The following GMDS variants were observed in gnomAD, a reference collection of about 807,000 sequenced individuals.
The protein encoded by GMDS is GDP-mannose 4,6-dehydratase.
A neutral mutation model predicts 49.9 loss-of-function variants in GMDS; 20 were observed. The ratio of observed to expected loss-of-function variants is 0.40; its 90% CI spans 0.28 to 0.58. GMDS has a LOEUF of 0.58. Ranked by LOEUF, GMDS falls within the 20% of genes least tolerant of loss-of-function variation. The pLI, the probability that GMDS is intolerant of heterozygous loss-of-function variation, is 0.42. For synonymous variants in GMDS, 177 were observed against 178.6 expected (o/e 0.99, Z 0.07); for missense variants, 362 against 481.4 (o/e 0.75, Z 2.32).
At chr6:1,731,941 G>C (rs1307049812) in intron 8 of GMDS, among the ~76,000 whole-genome samples, 2 of 152,186 alleles carry the variant, frequency 1.3e-5, no homozygotes, top group African/African-American at 2.4e-5. Flanking sequence ...GCAGAGTATG[G>C]GGTAAAGTTA....
At chr6:1,756,265 GTT>G (rs142574141) in intron 7 of GMDS, among the ~76,000 whole-genome samples, 5 of 140,362 alleles carry the variant, frequency 3.6e-5, no homozygotes, top group South Asian at 2.3e-4. Context: ...TTTTGTTCTG[GTT>G]TTTTTTTTTT....
chr6:1,633,706 G>A (rs898069243), intron 9 of GMDS, among the ~76,000 whole-genome samples: 10 of 152,192 alleles, frequency 6.6e-5, no homozygotes, highest in African/African-American at 2.4e-4. Context: ...ACCCCGGAGA[G>A]AAGGCTGCTG....
chr6:1,761,511 T>C (rs1218890027), intron 7 of GMDS, among the ~76,000 whole-genome samples: 1 of 152,310 alleles, frequency 6.6e-6, no homozygotes, highest in East Asian at 1.9e-4. Context: ...GCACCATAAG[T>C]AATGTCATTT....
At chr6:2,196,507 G>A (rs897959520) in intron 1 of GMDS, among the ~76,000 whole-genome samples, 4 of 152,144 alleles carry the variant, frequency 2.6e-5, no homozygotes, top group Non-Finnish European at 4.4e-5. Context: ...GTTTTCTTAT[G>A]TTTTTTTCTA....
intron 7 of GMDS, among the ~76,000 whole-genome samples, chr6:1,802,049 A>T (rs887438411): frequency 1.3e-5 from 2 of 152,220 alleles, no homozygotes; most frequent in African/African-American, 4.8e-5. Flanking sequence ...ATTTAAGCAA[A>T]TTGTACTTAA....
chr6:1,848,476 C>T (rs1483442719), intron 7 of GMDS, among the ~76,000 whole-genome samples: 1 of 152,204 alleles, frequency 6.6e-6, no homozygotes, highest in Non-Finnish European at 1.5e-5. Flanking sequence ...CTCTCGTCAC[C>T]TCTCTTGACA....
chr6:1,898,562 C>T (rs569356991), intron 7 of GMDS, among the ~76,000 whole-genome samples: 5 of 152,214 alleles, frequency 3.3e-5, no homozygotes, highest in African/African-American at 9.6e-5. Flanking sequence ...TCTGTAGGGG[C>T]GCAGCAGTGA....
intron 7 of GMDS, among the ~76,000 whole-genome samples, chr6:1,858,493 C>G (rs1316451977): frequency 1.3e-5 from 2 of 152,034 alleles, no homozygotes; most frequent in Non-Finnish European, 2.9e-5. Flanking sequence ...ACTAGATTTC[C>G]ATTTCATTTT....
chr6:1,750,243 G>A (rs1243820095), intron 7 of GMDS, among the ~76,000 whole-genome samples: 1 of 152,176 alleles, frequency 6.6e-6, no homozygotes, highest in East Asian at 1.9e-4. Flanking sequence ...AAAAAGGAGT[G>A]TTGAATGAAA....
At chr6:1,726,902 G>A (rs1766612132) in intron 8 of GMDS, among the ~76,000 whole-genome samples, 2 of 151,714 alleles carry the variant, frequency 1.3e-5, no homozygotes, top group Admixed American at 1.3e-4. Flanking sequence ...ATAAATTAAT[G>A]TCTTCTGTCT....
chr6:2,093,254 A>G (rs1773419981), intron 4 of GMDS, among the ~76,000 whole-genome samples: 1 of 152,214 alleles, frequency 6.6e-6, no homozygotes, highest in African/African-American at 2.4e-5. Context: ...AGACCATGAA[A>G]CATTATTTCT....
At chr6:2,150,338 G>C (rs1776783147) in intron 1 of GMDS, among the ~76,000 whole-genome samples, 2 of 151,988 alleles carry the variant, frequency 1.3e-5, no homozygotes, top group African/African-American at 4.8e-5. Flanking sequence ...TTTGAGCCCA[G>C]GAGTTCAAGA....
At chr6:1,654,554 G>C (rs562344468) in intron 9 of GMDS, among the ~76,000 whole-genome samples, 1 of 152,306 alleles carries the variant, frequency 6.6e-6, no homozygotes, top group East Asian at 1.9e-4. Context: ...GAAGTTCCTA[G>C]AGTAGTCAAA....
intron 7 of GMDS, among the ~76,000 whole-genome samples, chr6:1,842,238 G>T (rs1362118360): frequency 1.3e-5 from 2 of 152,228 alleles, no homozygotes; most frequent in Non-Finnish European, 2.9e-5. Context: ...TGGCTTTGCT[G>T]TAGTGGTCGT....
intron 6 of GMDS, among the ~76,000 whole-genome samples, chr6:1,954,107 G>A (rs1763505475): frequency 6.6e-6 from 1 of 152,166 alleles, no homozygotes. Context: ...CTGTATGTAT[G>A]TAAATATAAA....
chr6:1,695,791 G>A (rs553106451), intron 9 of GMDS, among the ~76,000 whole-genome samples: 1 of 152,178 alleles, frequency 6.6e-6, no homozygotes, highest in Admixed American at 6.5e-5. Context: ...TCAAACTTAA[G>A]AGCCTGGTTT....
At chr6:1,981,269 T>G (rs1765209149) in intron 4 of GMDS, among the ~76,000 whole-genome samples, 1 of 148,418 alleles carries the variant, frequency 6.7e-6, no homozygotes, top group Admixed American at 6.7e-5. Context: ...GGAAAAAAAT[T>G]AATAAAATAG....
intron 4 of GMDS, among the ~76,000 whole-genome samples, chr6:2,097,996 C>T (rs1333536110): frequency 3.3e-5 from 5 of 151,006 alleles, no homozygotes; most frequent in African/African-American, 1.2e-4. Context: ...TTCAATGCTC[C>T]CTTATGTTTT....
intron 4 of GMDS, among the ~76,000 whole-genome samples, chr6:2,081,189 T>A (rs1402351497): frequency 6.6e-6 from 1 of 152,014 alleles, no homozygotes; most frequent in African/African-American, 2.4e-5. Flanking sequence ...TATGGTAAAA[T>A]CAGCACTTCT....
Sources: gnomAD v4.1 joint callset for allele counts (sites outside exome capture counted in the v4.1 genomes callset) on GRCh38, gnomAD v4.1.1 for gene constraint, MANE v1.5 for transcripts, NCBI Gene and HGNC (gene_info 2026-07-23, HGNC 2026-07-21) for gene names.